Variants in ATRNL1 observed in about 807,000 individuals in gnomAD.
The protein encoded by ATRNL1 is attractin-like protein 1.
Under a neutral mutation model 182.7 loss-of-function variants are expected in ATRNL1, and 95 were observed. That is an observed-to-expected ratio of 0.52 (90% confidence interval 0.44 to 0.62). The LOEUF (loss-of-function observed/expected upper bound fraction) is 0.62, where lower values mean the gene tolerates loss of function less well. ATRNL1 is among the 20% of genes least tolerant of loss of function. The probability of loss-of-function intolerance (pLI) is 0.00; values close to 1 mark genes in which losing one functional copy is unlikely to be tolerated. For missense variants in ATRNL1, 1,471 were observed against 1,679.5 expected (o/e 0.88, Z 2.17); for synonymous variants, 576 against 568.3 (o/e 1.01, Z -0.19).
intron 28 of ATRNL1, among the ~76,000 whole-genome samples, chr10:115,901,731 C>G (rs1425528603): frequency 1.2e-5 from 1 of 81,712 alleles, no homozygotes; most frequent in Non-Finnish European, 2.3e-5. Flanking sequence ...CAGAGAGGAA[C>G]AGAACTGAGA....
At chr10:115,701,970 C>A (rs1462471267) in intron 26 of ATRNL1, among the ~76,000 whole-genome samples, 1 of 151,764 alleles carries the variant, frequency 6.6e-6, no homozygotes, top group African/African-American at 2.4e-5. Context: ...ACCCTGATAC[C>A]AAAACCTGGA....
At chr10:115,105,534 A>G (rs35728982) in intron 1 of ATRNL1, among the ~76,000 whole-genome samples, 33,304 of 152,258 alleles carry the variant, frequency 0.22, 4,678 homozygotes, top group Non-Finnish European at 0.31. Context: ...AGGCCACGTC[A>G]GAGATCTTCG....
At chr10:115,578,751 G>GT (rs1854884437) in intron 26 of ATRNL1, among the ~76,000 whole-genome samples, 2 of 151,412 alleles carry the variant, frequency 1.3e-5, no homozygotes, top group Non-Finnish European at 3.0e-5. Context: ...GTCTTTATTA[G>GT]TTTCTTCATT....
At chr10:115,921,796 ACT>A (rs1386607902) in intron 28 of ATRNL1, among the ~76,000 whole-genome samples, 2 of 152,272 alleles carry the variant, frequency 1.3e-5, no homozygotes, top group Admixed American at 1.3e-4. Flanking sequence ...TGGTGAACCC[ACT>A]CATTTTTACA....
intron 8 of ATRNL1, among the ~76,000 whole-genome samples, chr10:115,202,553 G>T (rs1324147274): frequency 6.6e-6 from 1 of 152,042 alleles, no homozygotes; most frequent in Non-Finnish European, 1.5e-5. Flanking sequence ...TGCATATATT[G>T]AACCAACCTT....
intron 20 of ATRNL1, among the ~76,000 whole-genome samples, chr10:115,414,262 A>G (rs1845282904): frequency 6.6e-6 from 1 of 151,940 alleles, no homozygotes; most frequent in Non-Finnish European, 1.5e-5. Flanking sequence ...ACCAATTCGG[A>G]GTATGTAGTC....
At chr10:115,828,866 A>G (rs1555092755) in intron 27 of ATRNL1, among the ~76,000 whole-genome samples, 1 of 152,168 alleles carries the variant, frequency 6.6e-6, no homozygotes, top group East Asian at 1.9e-4. Flanking sequence ...AATTTAAAAG[A>G]GCATTACTAA....
chr10:115,683,941 A>T (rs1946135929), intron 26 of ATRNL1, among the ~76,000 whole-genome samples: 1 of 151,752 alleles, frequency 6.6e-6, no homozygotes, highest in Non-Finnish European at 1.5e-5. Flanking sequence ...ATTTTCATTG[A>T]CCTGTGTTTT....
intron 26 of ATRNL1, among the ~76,000 whole-genome samples, chr10:115,612,804 A>G (rs1555019462): frequency 6.6e-6 from 1 of 152,168 alleles, no homozygotes; most frequent in African/African-American, 2.4e-5. Flanking sequence ...CTAACCTACC[A>G]GCTTAATTTT....
At chr10:115,763,091 T>A (rs1238013363) in intron 27 of ATRNL1, among the ~76,000 whole-genome samples, 1 of 152,218 alleles carries the variant, frequency 6.6e-6, no homozygotes. Context: ...ACTCAGATTC[T>A]TATCAGTGAG....
rs565053891 is a variant in ATRNL1, at chr10:115,523,572, G to C, written c.3716+4248G>C. ...ATGTGAACATAAGCTGTTAAAAGCA[G>C]CCACATTACTTCTTGAGCACTTTGC... On this transcript the variant is annotated intron_variant, in intron 25 of 28. Transcript: ENST00000355044. Among the ~76,000 whole-genome samples the C allele has an allele frequency of 1.2e-4, 18 of 152,278 alleles. No homozygotes were observed. The South Asian group carries it at 3.3e-3, about 28-fold the overall frequency.
At chr10:115,490,480 A>G (rs1849245413) in intron 24 of ATRNL1, among the ~76,000 whole-genome samples, 1 of 151,910 alleles carries the variant, frequency 6.6e-6, no homozygotes, top group South Asian at 2.1e-4. Context: ...TTGATCTTCA[A>G]TCTCTGATAT....
intron 26 of ATRNL1, among the ~76,000 whole-genome samples, chr10:115,584,076 C>CA (rs1218540707): frequency 3.3e-5 from 5 of 151,908 alleles, no homozygotes; most frequent in Non-Finnish European, 1.5e-5. Flanking sequence ...TGTATTCAAC[C>CA]AGCCTTGCAT....
At chr10:115,349,176 G>GT (rs1349609468) in intron 19 of ATRNL1, among the ~76,000 whole-genome samples, 1 of 152,062 alleles carries the variant, frequency 6.6e-6, no homozygotes, top group African/African-American at 2.4e-5. Flanking sequence ...GAGATCAATT[G>GT]TTTTAGCTCC....
chr10:115,806,184 C>T (rs941646768), intron 27 of ATRNL1, among the ~76,000 whole-genome samples: 4 of 152,030 alleles, frequency 2.6e-5, no homozygotes, highest in African/African-American at 4.8e-5. Flanking sequence ...TAGTGAGGAA[C>T]GGTCAGATAT....
At chr10:115,439,576 T>C (rs1482035447) in intron 21 of ATRNL1, among the ~76,000 whole-genome samples, 3 of 151,904 alleles carry the variant, frequency 2.0e-5, no homozygotes, top group African/African-American at 7.2e-5. Context: ...TTAGGGTGAG[T>C]AATGCACCCC....
At chr10:115,326,957 A>G (rs1227172634) in intron 18 of ATRNL1, among the ~76,000 whole-genome samples, 4 of 152,278 alleles carry the variant, frequency 2.6e-5, no homozygotes, top group African/African-American at 9.6e-5. Flanking sequence ...AGACTTAAAC[A>G]TTAGGCCTAA....
In ATRNL1 at chr10:115,179,123, C is replaced by T. The variant is rs570594863; in HGVS notation, c.1348+7831C>T. Among the ~76,000 whole-genome samples, 18 of 152,202 alleles carry T rather than the reference C, an allele frequency of 1.2e-4. No individual in the cohort carries two copies. The East Asian group carries it at 3.3e-3, about 28-fold the overall frequency. ...CTTGACTTTGTTTTTAGTATATTAACCAAATTATTTAAATTGTGTACTATA... is the reference window on the plus strand; with the variant it reads ...CTTGACTTTGTTTTTAGTATATTAATCAAATTATTTAAATTGTGTACTATA... On this transcript the variant is annotated intron_variant, in intron 8 of 28. Transcript: ENST00000355044.
intron 19 of ATRNL1, among the ~76,000 whole-genome samples, chr10:115,335,006 T>C (rs782518377): frequency 5.9e-5 from 9 of 152,128 alleles, no homozygotes; most frequent in Non-Finnish European, 1.0e-4. Context: ...TCAAATGAGA[T>C]TTTATGTAAT....
Sources: gnomAD v4.1 joint callset for allele counts (sites outside exome capture counted in the v4.1 genomes callset) on GRCh38, gnomAD v4.1.1 for gene constraint, MANE v1.5 for transcripts, NCBI Gene and HGNC (gene_info 2026-07-23, HGNC 2026-07-21) for gene names.